Variants in WDFY2 observed in about 807,000 individuals in gnomAD.
The protein encoded by WDFY2 is WD repeat and FYVE domain containing 2.
In WDFY2, 36 loss-of-function variants were observed where a neutral mutation model predicts 56.4. The observed-to-expected ratio is 0.64, with a 90% confidence interval of 0.49 to 0.84. The LOEUF (loss-of-function observed/expected upper bound fraction) is 0.84, where lower values mean the gene tolerates loss of function less well. Ranked by LOEUF, WDFY2 falls within the 40% of genes least tolerant of loss-of-function variation. The pLI is 0.00. For synonymous variants in WDFY2, 176 were observed against 183.7 expected (o/e 0.96, Z 0.34); for missense variants, 444 against 512.2 (o/e 0.87, Z 1.29).
intron 1 of WDFY2, chr13:51,587,295 C>T (rs2138277887): frequency 1.3e-5 from 2 of 152,306 alleles, no homozygotes; most frequent in Middle Eastern, 3.4e-3. Flanking sequence ...ATTTTCTCTT[C>T]TGTGAGTTCC....
chr13:51,728,995 G>A (rs918585716), intron 6 of WDFY2, among the ~76,000 whole-genome samples: 2 of 152,096 alleles, frequency 1.3e-5, no homozygotes, highest in African/African-American at 4.8e-5. Flanking sequence ...TCCCCTTGTG[G>A]CGCATTCTAG....
chr13:51,736,538 G>C (rs1169650016), intron 6 of WDFY2, among the ~76,000 whole-genome samples: 2 of 152,192 alleles, frequency 1.3e-5, no homozygotes, highest in Non-Finnish European at 2.9e-5. Flanking sequence ...TGTTGCCCAG[G>C]CTGGAGTGCA....
chr13:51,639,916 G>A (rs1368819583), intron 1 of WDFY2, among the ~76,000 whole-genome samples: 1 of 152,118 alleles, frequency 6.6e-6, no homozygotes, highest in Non-Finnish European at 1.5e-5. Flanking sequence ...TGACATGAGA[G>A]CTTTTAAAAA....
At chr13:51,642,981 G>GC (rs1352865924) in intron 1 of WDFY2, among the ~76,000 whole-genome samples, 1 of 152,154 alleles carries the variant, frequency 6.6e-6, no homozygotes, top group Non-Finnish European at 1.5e-5. Flanking sequence ...CAGCCATGTG[G>GC]CCATGTGTCT....
chr13:51,652,171 T>A (rs1175186466), intron 1 of WDFY2, among the ~76,000 whole-genome samples: 10 of 151,146 alleles, frequency 6.6e-5, no homozygotes, highest in Non-Finnish European at 1.0e-4. Flanking sequence ...GCCTTCTTTG[T>A]CTCTTTTGAT....
intron 1 of WDFY2, among the ~76,000 whole-genome samples, chr13:51,607,991 T>C (rs2138327625): frequency 6.6e-6 from 1 of 152,038 alleles, no homozygotes; most frequent in East Asian, 1.9e-4. Flanking sequence ...ATTGGAGTGA[T>C]GTGGCCACAA....
chr13:51,659,307 T>C (rs907209824), intron 1 of WDFY2, among the ~76,000 whole-genome samples: 1 of 152,166 alleles, frequency 6.6e-6, no homozygotes, highest in Admixed American at 6.5e-5. Flanking sequence ...CTTAGTCCAT[T>C]GTGATGACTT....
chr13:51,730,739 A>G (rs1038545432), intron 6 of WDFY2, among the ~76,000 whole-genome samples: 2 of 152,204 alleles, frequency 1.3e-5, no homozygotes, highest in Non-Finnish European at 2.9e-5. Flanking sequence ...TATTGAGTTC[A>G]TGGAAAACAA....
chr13:51,719,151 C>G lies in WDFY2; in HGVS notation c.335-47C>G, dbSNP rs1185860315. ...TCTCTGTGGGCCATGTTCTTCCAAC[C>G]TCCTTAGGATGCTTTATAGGTTGTT... On this transcript the variant is annotated intron_variant, in intron 4 of 11. Coordinates refer to ENST00000298125, the MANE Select transcript of WDFY2 (RefSeq NM_052950.4). 14 of 1,613,152 alleles carry G rather than the reference C, an allele frequency of 8.7e-6. No individual in the cohort carries two copies. The East Asian group carries it at 3.1e-4, about 36-fold the overall frequency.
intron 3 of WDFY2, among the ~76,000 whole-genome samples, chr13:51,681,188 T>C (rs1403551573): frequency 1.3e-5 from 2 of 152,184 alleles, no homozygotes; most frequent in Non-Finnish European, 2.9e-5. Flanking sequence ...TTCACTCTGC[T>C]GGAGAGACAG....
At chr13:51,710,418 G>A (rs1346315211) in intron 4 of WDFY2, among the ~76,000 whole-genome samples, 1 of 152,100 alleles carries the variant, frequency 6.6e-6, no homozygotes, top group Admixed American at 6.5e-5. Flanking sequence ...ATTCAACATA[G>A]TGTTGGAAGT....
At chr13:51,702,733 A>T (rs1044812964) in intron 3 of WDFY2, among the ~76,000 whole-genome samples, 3 of 152,296 alleles carry the variant, frequency 2.0e-5, no homozygotes, top group Admixed American at 6.5e-5. Context: ...TATGCTTCCA[A>T]ATATTTTGAA....
rs778398775 is a variant in WDFY2 at position 51,584,808 on chromosome 13, A to G, written c.121A>G (p.Ser41Gly). The G allele has an allele frequency of 1.9e-6, 3 of 1,613,824 alleles. No individual in the cohort carries two copies. The East Asian group carries it at 6.7e-5, about 36-fold the overall frequency. The change falls in exon 1 of 12, where the codon AGC (serine) becomes GGC (glycine). Residue 41 changes from serine to glycine, a missense_variant. Physicochemically the swap from Ser to Gly is moderately conservative, Grantham distance 56 (BLOSUM62 0). Coordinates refer to ENST00000298125, the MANE Select transcript of WDFY2 (RefSeq NM_052950.4). ...VIVPKEEGVISVSEDRTVRVW... is the reference protein window; with the variant it reads ...VIVPKEEGVIGVSEDRTVRVW... ...CGTGCCCAAAGAGGAGGGCGTCATC[A>G]GCGTCTCCGAGGACAGGTATGGACT...
At chr13:51,659,662 T>C (rs562302010) in intron 1 of WDFY2, among the ~76,000 whole-genome samples, 1 of 152,332 alleles carries the variant, frequency 6.6e-6, no homozygotes, top group East Asian at 1.9e-4. Context: ...TTCCTAGGTG[T>C]CTGCCTTGTC....
chr13:51,717,292 T>G (rs558938067), intron 4 of WDFY2, among the ~76,000 whole-genome samples: 2 of 152,282 alleles, frequency 1.3e-5, no homozygotes, highest in African/African-American at 4.8e-5. Flanking sequence ...GTTTTGGGGT[T>G]TTTTTTGTTT....
chr13:51,766,376 C>T lies in WDFY2; in HGVS notation c.*6607C>T, dbSNP rs1419286018. On this transcript the variant is annotated 3_prime_UTR_variant, in exon 12 of 12. Coordinates refer to ENST00000298125, the MANE Select transcript of WDFY2 (RefSeq NM_052950.4). ...TTCTCTACATCCACCGGACTGCAGC[C>T]CAAGTCTGGACCTGGCTGCAGTGGG... 6.6e-6 allele frequency: 1 copy of T among 152,250 alleles called. No homozygotes were observed. Among genetic ancestry groups the T allele is most frequent in the East Asian group, 1.9e-4 (1 of 5,198 alleles). The allele number at this position is 152,250 out of a possible 1,614,324, so 9.4% of individuals were successfully genotyped here.
chr13:51,660,285 CT>C (rs1955586338), intron 1 of WDFY2, among the ~76,000 whole-genome samples: 3 of 151,824 alleles, frequency 2.0e-5, no homozygotes, highest in Admixed American at 6.6e-5. Context: ...CAACCTCTGC[CT>C]CTGGTGTTCA....
intron 2 of WDFY2, among the ~76,000 whole-genome samples, chr13:51,663,610 T>G (rs1955651744): frequency 6.6e-6 from 1 of 152,200 alleles, no homozygotes; most frequent in Non-Finnish European, 1.5e-5. Flanking sequence ...TTTGTTTAAC[T>G]TGAGAGAGGC....
chr13:51,613,798 T>C (rs1954550443), intron 1 of WDFY2, among the ~76,000 whole-genome samples: 1 of 152,184 alleles, frequency 6.6e-6, no homozygotes. Flanking sequence ...TGACACCATA[T>C]GTTGCTGATT....
Sources: gnomAD v4.1 joint callset for allele counts (sites outside exome capture counted in the v4.1 genomes callset) on GRCh38, gnomAD v4.1.1 for gene constraint, MANE v1.5 for transcripts, NCBI Gene and HGNC (gene_info 2026-07-23, HGNC 2026-07-21) for gene names.